GSG1L: variants seen among roughly 807,000 people sequenced by gnomAD.
GSG1L encodes the protein GSG1 like.
A neutral mutation model predicts 42.1 loss-of-function variants in GSG1L; 24 were observed. That is an observed-to-expected ratio of 0.57 (90% CI 0.41 to 0.80). The LOEUF (loss-of-function observed/expected upper bound fraction) is 0.80. Among genes scored for constraint, GSG1L ranks in the 30% least tolerant of loss-of-function variants. The pLI is 0.00. For missense variants in GSG1L, 445 were observed against 472.2 expected (o/e 0.94, Z 0.53); for synonymous variants, 215 against 203.5 (o/e 1.06, Z -0.48).
intron 1 of GSG1L, among the ~76,000 whole-genome samples, chr16:28,013,642 A>G (rs2085749444): frequency 6.6e-6 from 1 of 152,216 alleles, no homozygotes; most frequent in African/African-American, 2.4e-5. Flanking sequence ...GAAGATGCGA[A>G]GATGGACCAG....
At chr16:27,821,515 T>A (rs1027333253) in intron 5 of GSG1L, among the ~76,000 whole-genome samples, 1 of 152,148 alleles carries the variant, frequency 6.6e-6, no homozygotes, top group Admixed American at 6.5e-5. Flanking sequence ...CTCCCACTTA[T>A]AAGTGAGAAA....
At chr16:27,941,893 G>A (rs1453120393) in intron 2 of GSG1L, among the ~76,000 whole-genome samples, 1 of 152,160 alleles carries the variant, frequency 6.6e-6, no homozygotes, top group Non-Finnish European at 1.5e-5. Flanking sequence ...GGTACCCAAA[G>A]TAGTCAAATT....
intron 3 of GSG1L, among the ~76,000 whole-genome samples, chr16:27,849,968 G>C (rs1488080637): frequency 6.6e-6 from 1 of 150,594 alleles, no homozygotes; most frequent in Non-Finnish European, 1.5e-5. Context: ...AAGATGAAGG[G>C]AGGAAGAAGT....
intron 3 of GSG1L, among the ~76,000 whole-genome samples, chr16:27,865,554 TATATATATATATATATATACACAC>T (rs1158333177): frequency 0.17 from 4,732 of 28,514 alleles, 478 homozygotes; most frequent in African/African-American, 0.38. Context: ...TATATATATA[TATATATATATATATATATACACAC>T]ACACATACAT....
At chr16:27,918,527 C>T (rs531813311) in intron 2 of GSG1L, among the ~76,000 whole-genome samples, 157 of 152,050 alleles carry the variant, frequency 1.0e-3, no homozygotes, top group African/African-American at 3.5e-3. Context: ...GGCATGGTGG[C>T]GGGCGCCTGT....
At chr16:28,015,951 C>A (rs979011837) in intron 1 of GSG1L, among the ~76,000 whole-genome samples, 4 of 152,156 alleles carry the variant, frequency 2.6e-5, no homozygotes, top group African/African-American at 9.7e-5. Context: ...TCTGCTGAAA[C>A]AATAGGCCAG....
intron 3 of GSG1L, among the ~76,000 whole-genome samples, chr16:27,881,254 T>TTG (rs1333532611): frequency 1.3e-4 from 19 of 148,386 alleles, no homozygotes; most frequent in African/African-American, 4.5e-4. Flanking sequence ...TTTTTTTTTT[T>TTG]TTTTTGAGAT....
chr16:27,798,433 AG>A (rs1453678585), intron 6 of GSG1L, among the ~76,000 whole-genome samples: 1 of 152,148 alleles, frequency 6.6e-6, no homozygotes, highest in East Asian at 1.9e-4. Context: ...CAGAAAGAAC[AG>A]GGTGTGAAAT....
At chr16:28,015,535 G>A (rs934817232) in intron 1 of GSG1L, among the ~76,000 whole-genome samples, 2 of 152,136 alleles carry the variant, frequency 1.3e-5, no homozygotes, top group Non-Finnish European at 2.9e-5. Context: ...TTTGGTCCCT[G>A]GGCTGTAGCT....
chr16:27,958,354 G>A (rs574110733), intron 2 of GSG1L, among the ~76,000 whole-genome samples: 72 of 146,452 alleles, frequency 4.9e-4, no homozygotes, highest in East Asian at 2.1e-3. Flanking sequence ...GCAGTGAGCC[G>A]AGATCATGCC....
At chr16:28,014,242 T>C (rs2085755541) in intron 1 of GSG1L, among the ~76,000 whole-genome samples, 1 of 152,160 alleles carries the variant, frequency 6.6e-6, no homozygotes, top group Non-Finnish European at 1.5e-5. Context: ...AAAGGAAGTA[T>C]GTATTCTGAA....
intron 1 of GSG1L, among the ~76,000 whole-genome samples, chr16:28,055,766 G>A (rs868583294): frequency 6.6e-6 from 1 of 152,090 alleles, no homozygotes; most frequent in Non-Finnish European, 1.5e-5. Context: ...CACCACGCCC[G>A]GCCCATTCCC....
intron 1 of GSG1L, among the ~76,000 whole-genome samples, chr16:28,047,506 G>A (rs1015475379): frequency 2.5e-4 from 38 of 152,038 alleles, no homozygotes; most frequent in Admixed American, 2.2e-3. Context: ...TAAGACTCTC[G>A]GATTGTACCA....
chr16:27,825,547 G>T (rs2083199441), intron 5 of GSG1L, among the ~76,000 whole-genome samples: 2 of 152,182 alleles, frequency 1.3e-5, no homozygotes, highest in Non-Finnish European at 2.9e-5. Flanking sequence ...GGTGGCACAT[G>T]TTACTTGGGA....
intron 3 of GSG1L, among the ~76,000 whole-genome samples, chr16:27,867,802 C>G (rs2083749356): frequency 6.6e-6 from 1 of 151,790 alleles, no homozygotes; most frequent in South Asian, 2.1e-4. Context: ...GCCACGCCCC[C>G]TGAGGCCACG....
intron 1 of GSG1L, among the ~76,000 whole-genome samples, chr16:28,047,049 T>A (rs1468768056): frequency 6.6e-6 from 1 of 152,174 alleles, no homozygotes; most frequent in African/African-American, 2.4e-5. Context: ...ACCCAGCACG[T>A]GGACAGTGAC....
intron 2 of GSG1L, among the ~76,000 whole-genome samples, chr16:27,897,635 G>A (rs982169887): frequency 1.3e-5 from 2 of 151,898 alleles, no homozygotes; most frequent in African/African-American, 2.4e-5. Flanking sequence ...CTTCCTCCCC[G>A]AACCACCCTA....
intron 5 of GSG1L, among the ~76,000 whole-genome samples, chr16:27,813,697 C>A (rs1371425191): frequency 6.6e-6 from 1 of 152,230 alleles, no homozygotes; most frequent in Non-Finnish European, 1.5e-5. Context: ...AGGGTCTTGG[C>A]CGCCCTCTGG....
chr16:27,884,698 G>T lies in GSG1L; in HGVS notation c.398-60C>A, dbSNP rs1387645995. 2.4e-5 allele frequency: 36 copies of T among 1,486,436 alleles called. No homozygotes were observed. The highest frequency in any genetic ancestry group is 3.0e-5 in the Non-Finnish European group (33 of 1,097,954). 92.1% of individuals were successfully genotyped at this position (1,486,436 alleles called of 1,614,324 possible). ...GGGCCACCCAAGATAGACTCACCCT[G>T]TGCCTATTCCTCCCACAACAGCAGA... On this transcript the variant is annotated intron_variant, in intron 2 of 6. Transcript: ENST00000447459. This position sits in a 1 kb window ranked among gnomAD's most constrained non-coding sequence, Gnocchi z 4.4.
Sources: gnomAD v4.1 joint callset for allele counts (sites outside exome capture counted in the v4.1 genomes callset) on GRCh38, gnomAD v4.1.1 for gene constraint, Gnocchi (gnomAD v3.1) non-coding constraint, MANE v1.5 for transcripts, NCBI Gene and HGNC (gene_info 2026-07-23, HGNC 2026-07-21) for gene names.